Variants in RERG observed in about 807,000 individuals in gnomAD.
RERG encodes RAS like estrogen regulated growth inhibitor, also known as ras-related and estrogen-regulated growth inhibitor.
Under a neutral mutation model 23.2 loss-of-function variants are expected in RERG, and 25 were observed. The observed-to-expected ratio is 1.08, with a 90% CI of 0.79 to 1.50. The LOEUF is 1.50. Ranked by LOEUF, RERG falls within the 40% of genes most tolerant of loss-of-function variation. The pLI is 0.00. For synonymous variants in RERG, 81 were observed against 89.1 expected, an observed-to-expected ratio of 0.91 and a Z score of 0.51; for missense variants, 253 against 250.1, an observed-to-expected ratio of 1.01 and a Z score of -0.08.
At chr12:15,192,091 G>A (rs925372799) in intron 2 of RERG, among the ~76,000 whole-genome samples, 13 of 152,164 alleles carry the variant, frequency 8.5e-5, no homozygotes, top group African/African-American at 2.9e-4. Context: ...GGTGGGAGGT[G>A]TTTGGATCAT....
At chr12:15,174,496 GTATATA>G (rs60183035) in intron 2 of RERG, among the ~76,000 whole-genome samples, 9 of 150,252 alleles carry the variant, frequency 6.0e-5, no homozygotes, top group African/African-American at 2.0e-4. Flanking sequence ...GTGTGTGTGT[GTATATA>G]TATATATTTA....
At chr12:15,136,723 G>T (rs1259327737) in intron 2 of RERG, among the ~76,000 whole-genome samples, 1 of 151,866 alleles carries the variant, frequency 6.6e-6, no homozygotes, top group East Asian at 1.9e-4. Flanking sequence ...TCTTTCTGTT[G>T]TTGATTTCTA....
At chr12:15,173,948 T>A (rs1027042742) in intron 2 of RERG, among the ~76,000 whole-genome samples, 2 of 152,034 alleles carry the variant, frequency 1.3e-5, no homozygotes, top group Non-Finnish European at 2.9e-5. Context: ...TACCTTTTAT[T>A]TAAAAATACT....
At chr12:15,190,636 T>C (rs1591664220) in intron 2 of RERG, among the ~76,000 whole-genome samples, 1 of 152,104 alleles carries the variant, frequency 6.6e-6, no homozygotes, top group Admixed American at 6.6e-5. Flanking sequence ...ACATAAATGA[T>C]AGGCAAAAAC....
At chr12:15,137,662 T>C (rs1272316629) in intron 2 of RERG, among the ~76,000 whole-genome samples, 6 of 151,982 alleles carry the variant, frequency 3.9e-5, no homozygotes, top group African/African-American at 1.4e-4. Flanking sequence ...TAATACCTTA[T>C]AATAATAAAA....
At chr12:15,128,876 T>A (rs1454573977) in intron 2 of RERG, among the ~76,000 whole-genome samples, 3 of 152,154 alleles carry the variant, frequency 2.0e-5, no homozygotes, top group African/African-American at 7.2e-5. Context: ...CAAATCGAAT[T>A]TTCCAATTCC....
chr12:15,177,225 G>A (rs1241076430), intron 2 of RERG, among the ~76,000 whole-genome samples: 2 of 152,202 alleles, frequency 1.3e-5, no homozygotes, highest in Non-Finnish European at 2.9e-5. Context: ...GGCTGAGGAG[G>A]TCAGATCACC....
intron 2 of RERG, among the ~76,000 whole-genome samples, chr12:15,189,180 A>G (rs1250318861): frequency 6.6e-6 from 1 of 152,168 alleles, no homozygotes; most frequent in African/African-American, 2.4e-5. Flanking sequence ...AATGTGTCAC[A>G]TGTCATTTCT....
chr12:15,162,028 C>T (rs1349558466), intron 2 of RERG, among the ~76,000 whole-genome samples: 2 of 152,162 alleles, frequency 1.3e-5, no homozygotes, highest in African/African-American at 4.8e-5. Flanking sequence ...TACATTGTAA[C>T]TTAGACTAGT....
intron 2 of RERG, among the ~76,000 whole-genome samples, chr12:15,127,897 C>T (rs7301295): frequency 0.68 from 102,644 of 151,904 alleles, 34,741 homozygotes; most frequent in Admixed American, 0.75. Context: ...TCATAAAAAC[C>T]CTTAAAAGTA....
At chr12:15,191,114 A>G (rs1386281310) in intron 2 of RERG, among the ~76,000 whole-genome samples, 1 of 152,058 alleles carries the variant, frequency 6.6e-6, no homozygotes, top group Non-Finnish European at 1.5e-5. Context: ...TTCTACCCAC[A>G]CTCAAGGAGA....
chr12:15,161,191 AAAG>A (rs1233106795), intron 2 of RERG, among the ~76,000 whole-genome samples: 14 of 149,588 alleles, frequency 9.4e-5, no homozygotes, highest in Non-Finnish European at 1.9e-4. Flanking sequence ...AGAAAGAAAG[AAAG>A]AAAGAAAGAA....
In RERG at chr12:15,109,080, C is replaced by T; in HGVS notation, c.*30G>A. On this transcript the variant is annotated 3_prime_UTR_variant, in exon 5 of 5. Coordinates refer to ENST00000256953, the MANE Select transcript of RERG (RefSeq NM_032918.3). ...GGGAACAGAAGGGGAAGAGTGTTTC[C>T]AATTAGTTGGTCCACCTCAGCTGGG... is the stretch of plus-strand genomic sequence containing the variant. 3.3e-6 allele frequency: 5 copies of T among 1,515,408 alleles called. No individual in the cohort carries two copies. Among genetic ancestry groups the T allele is most frequent in the Non-Finnish European group, 4.4e-6 (5 of 1,130,592 alleles). 93.9% of individuals were successfully genotyped at this position (1,515,408 alleles called of 1,614,324 possible). A position where few individuals can be genotyped will look rare whatever the true frequency, so the allele number is the denominator to read the frequency against.
At chr12:15,137,945 G>T in intron 2 of RERG, 1 of 392,020 alleles carries the variant, frequency 2.6e-6, no homozygotes, top group Admixed American at 3.0e-5. Flanking sequence ...TTTCAAGGCA[G>T]GTTTATTGGC....
intron 4 of RERG, 83 bp from the exon 5 acceptor site, chr12:15,109,600 T>A: frequency 9.6e-7 from 1 of 1,045,830 alleles, no homozygotes; most frequent in Non-Finnish European, 1.4e-6. Flanking sequence ...AGTAATGCCT[T>A]AATTACTATT....
Position 15,148,887 on chromosome 12 carries a change from T to TTTTG in RERG, c.62-27769_62-27768insCAAA, listed in dbSNP as rs1156302513. 5.0e-4 allele frequency among the ~76,000 whole-genome samples: 35 copies of TTTTG among 69,500 alleles called. 10 individuals carry two copies. The highest frequency in any genetic ancestry group is 1.1e-3 in the South Asian group (2 of 1,814). The allele number at this position is 69,500 out of a possible 152,430, so 45.6% of individuals were successfully genotyped here. A position where few individuals can be genotyped will look rare whatever the true frequency, so the allele number is the denominator to read the frequency against. The stretch of plus-strand genomic sequence containing the variant: ...TTTTTTTTTTTTTTTTTTTTTTTTT[T>TTTTG]AGACAGAGTCTAGCTCTGTCACCCA... On this transcript the variant is annotated intron_variant, in intron 2 of 4. Transcript: ENST00000256953.
intron 2 of RERG, among the ~76,000 whole-genome samples, chr12:15,205,257 C>T (rs1054987154): frequency 2.0e-5 from 3 of 151,872 alleles, no homozygotes; most frequent in Non-Finnish European, 4.4e-5. Flanking sequence ...CAAATATTAG[C>T]ATTTTATTGG....
At chr12:15,187,808 C>T (rs1273237522) in intron 2 of RERG, among the ~76,000 whole-genome samples, 1 of 151,984 alleles carries the variant, frequency 6.6e-6, no homozygotes, top group Non-Finnish European at 1.5e-5. Context: ...ATCCACCCGC[C>T]TCGGCCTCCC....
chr12:15,116,343 T>C (rs74794200), intron 3 of RERG, among the ~76,000 whole-genome samples: 7,261 of 152,264 alleles, frequency 0.048, 615 homozygotes, highest in African/African-American at 0.17. Context: ...CTGGGCTCTA[T>C]TCCATCTCTT....
Sources: allele counts gnomAD v4.1 joint callset (sites outside exome capture counted in the v4.1 genomes callset), GRCh38; gene constraint gnomAD v4.1.1; transcripts MANE v1.5; gene names NCBI Gene and HGNC (gene_info 2026-07-23, HGNC 2026-07-21).